EYA4: variants seen among roughly 807,000 people sequenced by gnomAD.
EYA4 encodes EYA transcriptional coactivator and phosphatase 4, also known as protein phosphatase EYA4.
Under a neutral mutation model 87.9 loss-of-function variants are expected in EYA4, and 31 were observed. The observed-to-expected ratio is 0.35, with a 90% CI of 0.27 to 0.48. The LOEUF (loss-of-function observed/expected upper bound fraction) is 0.48, where lower values mean the gene tolerates loss of function less well. Ranked by LOEUF, EYA4 falls within the 20% of genes least tolerant of loss-of-function variation. The pLI, the probability that EYA4 is intolerant of heterozygous loss-of-function variation, is 0.99. For missense variants in EYA4, 678 were observed against 761.4 expected (o/e 0.89, Z 1.29); for synonymous variants, 263 against 270.6 (o/e 0.97, Z 0.28).
intron 2 of EYA4, among the ~76,000 whole-genome samples, chr6:133,281,685 C>T (rs751905608): frequency 3.3e-5 from 5 of 151,970 alleles, no homozygotes; most frequent in Non-Finnish European, 7.4e-5. Flanking sequence ...TTGTGTGACA[C>T]TGAGGTTTGG....
chr6:133,268,658 T>C (rs1776430504), intron 1 of EYA4, among the ~76,000 whole-genome samples: 1 of 152,134 alleles, frequency 6.6e-6, no homozygotes, highest in Admixed American at 6.5e-5. Context: ...GCCAGAGTGG[T>C]CTTGGTTACT....
At chr6:133,305,914 A>G in intron 2 of EYA4, among the ~76,000 whole-genome samples, 1 of 152,224 alleles carries the variant, frequency 6.6e-6, no homozygotes, top group Non-Finnish European at 1.5e-5. Context: ...TATGAAGGAC[A>G]TGTCTGTTAT....
chr6:133,327,262 C>T lies in EYA4; in HGVS notation c.33+52449C>T, dbSNP rs111630857. On this transcript the variant is annotated intron_variant, in intron 2 of 19. Coordinates refer to ENST00000355286, the MANE Select transcript of EYA4 (RefSeq NM_004100.5). The stretch of plus-strand genomic sequence containing the variant: ...AAGCAGTCCTCCTGTGTCACCCTCC[C>T]GAGTAGCTGAGATTACAGGTGCCCG... Among the ~76,000 whole-genome samples, 430 of 152,036 alleles carry T rather than the reference C, an allele frequency of 2.8e-3. 1 individual carries two copies. Among genetic ancestry groups the T allele is most frequent in the South Asian group, 0.027 (132 of 4,812 alleles).
chr6:133,405,516 A>G (rs1339708859), intron 3 of EYA4, among the ~76,000 whole-genome samples: 10 of 152,178 alleles, frequency 6.6e-5, no homozygotes, highest in Admixed American at 1.3e-4. Flanking sequence ...TCGGTATTCT[A>G]TATTCTATTT....
intron 2 of EYA4, among the ~76,000 whole-genome samples, chr6:133,378,277 C>T (rs1356750197): frequency 1.3e-5 from 2 of 151,988 alleles, no homozygotes; most frequent in East Asian, 1.9e-4. Flanking sequence ...GGATATTAGG[C>T]AAGTTGTTGA....
At chr6:133,289,223 A>G (rs1778298445) in intron 2 of EYA4, among the ~76,000 whole-genome samples, 1 of 152,208 alleles carries the variant, frequency 6.6e-6, no homozygotes, top group Admixed American at 6.5e-5. Context: ...GACTCTGGAA[A>G]TTTAAGAGAA....
At chr6:133,244,233 T>C (rs1347727564) in intron 1 of EYA4, among the ~76,000 whole-genome samples, 1 of 152,212 alleles carries the variant, frequency 6.6e-6, no homozygotes, top group Non-Finnish European at 1.5e-5. Flanking sequence ...AAGACCATTG[T>C]AACTACCGGT....
chr6:133,512,469 G>C (rs1292612189), intron 14 of EYA4, among the ~76,000 whole-genome samples: 1 of 152,048 alleles, frequency 6.6e-6, no homozygotes, highest in Non-Finnish European at 1.5e-5. Context: ...TTTTTAAATT[G>C]CTCTAAAGAA....
chr6:133,409,065 G>A (rs78544665), intron 3 of EYA4, among the ~76,000 whole-genome samples: 5 of 152,306 alleles, frequency 3.3e-5, no homozygotes, highest in African/African-American at 1.2e-4. Flanking sequence ...GTCTGTAGCT[G>A]CTCTGTTACA....
chr6:133,491,674 C>T (rs746403008), intron 13 of EYA4, among the ~76,000 whole-genome samples: 43 of 152,086 alleles, frequency 2.8e-4, no homozygotes, highest in African/African-American at 7.0e-4. Context: ...CCAGCAGGCC[C>T]GGCGCAGTGG....
chr6:133,394,099 G>C (rs1333628173), intron 3 of EYA4, among the ~76,000 whole-genome samples: 1 of 152,094 alleles, frequency 6.6e-6, no homozygotes, highest in Non-Finnish European at 1.5e-5. Flanking sequence ...TTGTTCACGT[G>C]TTTATGAATT....
chr6:133,299,257 C>T (rs1406488514), intron 2 of EYA4, among the ~76,000 whole-genome samples: 1 of 151,974 alleles, frequency 6.6e-6, no homozygotes, highest in Non-Finnish European at 1.5e-5. Context: ...TTAATGCAGA[C>T]AAAAATCTTT....
At chr6:133,350,536 T>C (rs1464130803) in intron 2 of EYA4, among the ~76,000 whole-genome samples, 1 of 151,938 alleles carries the variant, frequency 6.6e-6, no homozygotes, top group Non-Finnish European at 1.5e-5. Context: ...GGATATGAGA[T>C]GAAGAAACCA....
intron 3 of EYA4, among the ~76,000 whole-genome samples, chr6:133,399,201 G>A (rs759212981): frequency 6.6e-6 from 1 of 152,088 alleles, no homozygotes; most frequent in Admixed American, 6.6e-5. Context: ...GTCAGGCCAA[G>A]CATTTTCATT....
In EYA4 at chr6:133,423,039, T is replaced by A. The variant is rs146324524; in HGVS notation, c.84-23591T>A. Reference sequence around the variant, plus strand: ...ACTTCTCATCTCTACTCAGCCTTTTTTTGGAGGGTGAGTGGCTAGATATGG... The same window carrying A: ...ACTTCTCATCTCTACTCAGCCTTTTATTGGAGGGTGAGTGGCTAGATATGG... On this transcript the variant is annotated intron_variant, in intron 3 of 19. Transcript: ENST00000355286. Among the ~76,000 whole-genome samples, 586 of 152,184 alleles carry A rather than the reference T, an allele frequency of 3.9e-3. 3 individuals are homozygous for A. The highest frequency in any genetic ancestry group is 0.013 in the African/African-American group (541 of 41,512).
chr6:133,489,164 T>C (rs1486742089), intron 13 of EYA4, among the ~76,000 whole-genome samples: 1 of 152,016 alleles, frequency 6.6e-6, no homozygotes, highest in African/African-American at 2.4e-5. Context: ...GAAAAAAGAA[T>C]TAGTGAGCTT....
In EYA4 at chr6:133,317,222, G is replaced by A. The variant is rs141241069; in HGVS notation, c.33+42409G>A. ...TGTGGGCAGCTCATTTCAATAGCTC[G>A]TAGCACAAACCTGTAATTACCACAG... On this transcript the variant is annotated intron_variant, in intron 2 of 19. Transcript: ENST00000355286. 5.8e-3 allele frequency among the ~76,000 whole-genome samples: 880 copies of A among 152,214 alleles called. 20 individuals carry two copies. Among genetic ancestry groups the A allele is most frequent in the Admixed American group, 0.042 (640 of 15,276 alleles).
At chr6:133,285,381 A>G (rs1414177832) in intron 2 of EYA4, among the ~76,000 whole-genome samples, 3 of 152,174 alleles carry the variant, frequency 2.0e-5, no homozygotes, top group Non-Finnish European at 4.4e-5. Flanking sequence ...TAGAGGGAAC[A>G]GCAACCGTGA....
At chr6:133,267,390 T>C (rs1277670889) in intron 1 of EYA4, among the ~76,000 whole-genome samples, 2 of 152,036 alleles carry the variant, frequency 1.3e-5, no homozygotes, top group Non-Finnish European at 2.9e-5. Flanking sequence ...TTTTCCACTT[T>C]TTTTTTTTGA....
Sources: gnomAD v4.1 joint callset for allele counts (sites outside exome capture counted in the v4.1 genomes callset) on GRCh38, gnomAD v4.1.1 for gene constraint, MANE v1.5 for transcripts, NCBI Gene and HGNC (gene_info 2026-07-23, HGNC 2026-07-21) for gene names.